Variants in DSCAML1 observed in about 807,000 individuals in gnomAD.
The protein encoded by DSCAML1 is cell adhesion molecule DSCAML1.
DSCAML1 carries 38 observed loss-of-function variants against 200.5 expected under a neutral mutation model. The ratio of observed to expected loss-of-function variants is 0.19; its 90% CI spans 0.15 to 0.25. The LOEUF is 0.25. Among genes scored for constraint, DSCAML1 ranks in the 10% least tolerant of loss-of-function variants. The pLI, the probability that DSCAML1 is intolerant of heterozygous loss-of-function variation, is 1.00. For missense variants in DSCAML1, 2,223 were observed against 2,858.8 expected (o/e 0.78, Z 5.07); for synonymous variants, 1,215 against 1,165.0 (o/e 1.04, Z -0.87).
chr11:117,733,756 G>T (rs1036422971), intron 3 of DSCAML1, among the ~76,000 whole-genome samples: 3 of 151,878 alleles, frequency 2.0e-5, no homozygotes, highest in African/African-American at 4.8e-5. Flanking sequence ...CGAATCTCAG[G>T]AACCGATTGC....
intron 3 of DSCAML1, among the ~76,000 whole-genome samples, chr11:117,615,998 T>C (rs1298954655): frequency 6.6e-6 from 1 of 152,218 alleles, no homozygotes; most frequent in Non-Finnish European, 1.5e-5. Context: ...GTTTTTCTAA[T>C]GTAGGCAGCC....
intron 3 of DSCAML1, among the ~76,000 whole-genome samples, chr11:117,632,733 A>G (rs2052200422): frequency 1.3e-5 from 2 of 152,232 alleles, no homozygotes; most frequent in Non-Finnish European, 2.9e-5. Flanking sequence ...TGCGTGGGTC[A>G]GTTGCCCTGG....
At chr11:117,544,627 C>A (rs1001613491) in intron 3 of DSCAML1, among the ~76,000 whole-genome samples, 3 of 152,184 alleles carry the variant, frequency 2.0e-5, no homozygotes, top group African/African-American at 7.2e-5. Context: ...GCCCATCCTT[C>A]TTCCTCTCCT....
At chr11:117,713,512 T>C (rs1294728440) in intron 3 of DSCAML1, among the ~76,000 whole-genome samples, 5 of 152,092 alleles carry the variant, frequency 3.3e-5, no homozygotes, top group Admixed American at 6.6e-5. Flanking sequence ...TTCCAAAGCC[T>C]TACTCTGTGG....
chr11:117,439,947 G>T lies in DSCAML1; in HGVS notation c.3863-11C>A, dbSNP rs754915055. 4.3e-6 allele frequency: 7 copies of T among 1,610,054 alleles called. No individual in the cohort carries two copies. The South Asian group carries it at 7.7e-5, about 18-fold the overall frequency. On this transcript the variant is annotated splice_polypyrimidine_tract_variant and intron_variant, in intron 21 of 32. Transcript: ENST00000651296. ...TGATCTTTGCTGGGGCTACAGGGAGGAGAGGATGAGGGCCACTCCACTTCT... is the reference window on the plus strand; with the variant it reads ...TGATCTTTGCTGGGGCTACAGGGAGTAGAGGATGAGGGCCACTCCACTTCT...
At position 117,437,807 on chromosome 11, in the gene DSCAML1, C is replaced by T. The variant is rs1217302287; in HGVS notation, c.4432+88G>A. On this transcript the variant is annotated intron_variant, in intron 25 of 32. Transcript: ENST00000651296. This position sits in a 1 kb window ranked among gnomAD's most constrained non-coding sequence, Gnocchi z 5.3. The stretch of plus-strand genomic sequence containing the variant: ...TCCCTGGACCCCTCCTTCCCCACCC[C>T]AGCCACCTTACACCCCATACCTGGC... 7.2e-7 allele frequency: 1 copy of T among 1,395,840 alleles called. No homozygotes were observed. The highest frequency in any genetic ancestry group is 9.5e-7 in the Non-Finnish European group (1 of 1,057,860). 86.5% of individuals were successfully genotyped at this position (1,395,840 alleles called of 1,614,324 possible). A position where few individuals can be genotyped will look rare whatever the true frequency, so the allele number is the denominator to read the frequency against.
chr11:117,622,160 G>C (rs2051947156), intron 3 of DSCAML1, among the ~76,000 whole-genome samples: 1 of 152,074 alleles, frequency 6.6e-6, no homozygotes, highest in African/African-American at 2.4e-5. Flanking sequence ...ATTAATACCA[G>C]ATTTTTTTTC....
intron 4 of DSCAML1, among the ~76,000 whole-genome samples, chr11:117,528,439 C>T (rs557706514): frequency 2.0e-5 from 3 of 152,230 alleles, no homozygotes; most frequent in South Asian, 4.2e-4. Flanking sequence ...GGCGACAGCC[C>T]GGGGGGACTG....
intron 29 of DSCAML1, 51 bp downstream of exon 29, chr11:117,433,087 C>T (rs1455645711): frequency 1.6e-5 from 24 of 1,536,062 alleles, no homozygotes; most frequent in Non-Finnish European, 2.2e-5. Context: ...GGGTTGTAGC[C>T]TGGGGAAGCA....
chr11:117,727,114 C>A (rs772803581), intron 3 of DSCAML1, among the ~76,000 whole-genome samples: 16 of 152,070 alleles, frequency 1.1e-4, no homozygotes, highest in Non-Finnish European at 2.2e-4. Flanking sequence ...GTTCTTACCC[C>A]ACATTTATAA....
intron 11 of DSCAML1, among the ~76,000 whole-genome samples, chr11:117,486,070 G>T (rs2049041914): frequency 6.6e-6 from 1 of 152,254 alleles, no homozygotes; most frequent in African/African-American, 2.4e-5. Flanking sequence ...AGGGAAAAGG[G>T]TGTGTGGCTT....
chr11:117,749,904 T>C (rs983943046), intron 3 of DSCAML1, among the ~76,000 whole-genome samples: 4 of 152,088 alleles, frequency 2.6e-5, no homozygotes, highest in African/African-American at 9.7e-5. Flanking sequence ...TTAATAATAG[T>C]GGAAGCCCAA....
intron 3 of DSCAML1, among the ~76,000 whole-genome samples, chr11:117,612,293 GAC>G (rs969356806): frequency 1.3e-5 from 2 of 152,160 alleles, no homozygotes; most frequent in African/African-American, 2.4e-5. Flanking sequence ...CCAACCTTCA[GAC>G]TGCATTATTC....
At chr11:117,545,403 G>A (rs2050354821) in intron 3 of DSCAML1, among the ~76,000 whole-genome samples, 1 of 152,158 alleles carries the variant, frequency 6.6e-6, no homozygotes, top group Non-Finnish European at 1.5e-5. Flanking sequence ...CTCCAGAACT[G>A]TAAGAAAGAA....
intron 29 of DSCAML1, 112 bp from the exon 30 acceptor site, chr11:117,432,616 T>C (rs2047824669): frequency 1.6e-6 from 2 of 1,254,512 alleles, no homozygotes; most frequent in South Asian, 3.0e-5. Context: ...TGTTTGTGGA[T>C]TTGTTTGTTT....
Position 117,521,425 on chromosome 11 carries a change from C to A in DSCAML1, c.938-20G>T. On this transcript the variant is annotated intron_variant, in intron 5 of 32. Transcript: ENST00000651296. ...GGGGATCTGGGCCGGGCCAGGGAGA[C>A]GTGAGGGGAAATGGGAGGGAGGAAA... The A allele has an allele frequency of 6.2e-7, 1 of 1,604,694 alleles. No homozygotes were observed. Among genetic ancestry groups the A allele is most frequent in the Non-Finnish European group, 8.5e-7 (1 of 1,172,926 alleles).
intron 7 of DSCAML1, among the ~76,000 whole-genome samples, chr11:117,517,227 G>A (rs1325109279): frequency 6.6e-6 from 1 of 152,190 alleles, no homozygotes; most frequent in Non-Finnish European, 1.5e-5. Flanking sequence ...GAAGGTCTTC[G>A]CCAGGTGAGC....
chr11:117,652,736 A>G (rs2052659938), intron 3 of DSCAML1, among the ~76,000 whole-genome samples: 1 of 152,202 alleles, frequency 6.6e-6, no homozygotes, highest in African/African-American at 2.4e-5. Flanking sequence ...AGTCACGATG[A>G]TAACCGTGCG....
At chr11:117,694,826 C>T (rs2053561041) in intron 3 of DSCAML1, among the ~76,000 whole-genome samples, 1 of 152,230 alleles carries the variant, frequency 6.6e-6, no homozygotes, top group Admixed American at 6.5e-5. Flanking sequence ...GTATGATTTC[C>T]TTCCAGGGAC....
Sources: gnomAD v4.1 joint callset for allele counts (sites outside exome capture counted in the v4.1 genomes callset) on GRCh38, gnomAD v4.1.1 for gene constraint, Gnocchi (gnomAD v3.1) non-coding constraint, MANE v1.5 for transcripts, NCBI Gene and HGNC (gene_info 2026-07-23, HGNC 2026-07-21) for gene names.